CDIPT: variants seen among roughly 807,000 people sequenced by gnomAD.
The protein encoded by CDIPT is CDP-diacylglycerol--inositol 3-phosphatidyltransferase.
CDIPT carries 17 observed loss-of-function variants against 21.6 expected under a neutral mutation model. The ratio of observed to expected loss-of-function variants is 0.79; its 90% CI spans 0.54 to 1.18. CDIPT has a LOEUF of 1.18. CDIPT is among the 50% of genes most tolerant of loss of function. The probability of loss-of-function intolerance (pLI) is 0.00; values close to 1 mark genes in which losing one functional copy is unlikely to be tolerated. For missense variants in CDIPT, 254 were observed against 284.9 expected, an observed-to-expected ratio of 0.89 and a Z score of 0.78; for synonymous variants, 119 against 117.9, an observed-to-expected ratio of 1.01 and a Z score of -0.06.
In CDIPT at chr16:29,859,305, G is replaced by T. The variant is rs1185292791; in HGVS notation, c.526C>A (p.Leu176Ile). 6 of 1,569,546 alleles carry T rather than the reference G, an allele frequency of 3.8e-6. No homozygotes were observed. The East Asian group carries it at 1.4e-4, about 36-fold the overall frequency. ...VGSVGLFRMG[L>I]WVTAPIALLK... ...AAGGCGATGGGGGCAGTGACCCAGAGGCCCATCCGGAACAGTCCCACAGAG... is the reference window on the plus strand; with the variant it reads ...AAGGCGATGGGGGCAGTGACCCAGATGCCCATCCGGAACAGTCCCACAGAG... Residue 176 changes from leucine (L) to isoleucine (I), a missense_variant, in exon 6 of 6, where the codon CTC becomes ATC. Physicochemically the swap from Leu to Ile is conservative, Grantham distance 5. Transcript: ENST00000219789. This position sits in a 1 kb window ranked among gnomAD's most constrained non-coding sequence, Gnocchi z 4.5.
In CDIPT at chr16:29,859,467, C is replaced by T. The variant is rs755476596; in HGVS notation, c.471G>A (p.Leu157=). ...CTAAAGGTCCCTCAGAGAAATGGAACAGGTAGAGGAGGCAGTAGAAGAGCT... is the reference window on the plus strand; with the variant it reads ...CTAAAGGTCCCTCAGAGAAATGGAATAGGTAGAGGAGGCAGTAGAAGAGCT... ...GNELFYCLLY[L]FHFSEGPLVG... The change falls in exon 5 of 6, where the codon CTG becomes CTA. Residue 157 remains leucine (L), a synonymous_variant. Coordinates refer to ENST00000219789, the MANE Select transcript of CDIPT (RefSeq NM_006319.5). The surrounding 1 kb of genome is among the most constrained non-coding windows in gnomAD (Gnocchi z 4.5). The T allele has an allele frequency of 1.9e-6, 3 of 1,613,248 alleles. No homozygotes were observed. The South Asian group carries it at 3.3e-5, about 18-fold the overall frequency.
rs969988515 is a variant in CDIPT at position 29,858,954 on chromosome 16, C to T, written c.*235G>A. On this transcript the variant is annotated 3_prime_UTR_variant, in exon 6 of 6. Transcript: ENST00000219789. ...GTGACACTGCCCGGTCCCGGCACCC[C>T]AGGAGCACCGCCTGGATGGAGGGGG... 3 of 574,136 alleles carry T rather than the reference C, an allele frequency of 5.2e-6. No individual in the cohort carries two copies. In the Admixed American group the frequency reaches 9.5e-5, roughly 18 times the overall value. 35.6% of individuals were successfully genotyped at this position (574,136 alleles called of 1,614,324 possible). A position where few individuals can be genotyped will look rare whatever the true frequency, so the allele number is the denominator to read the frequency against.
chr16:29,860,632 CT>C lies in CDIPT; in HGVS notation c.362del (p.Lys121ArgfsTer2), dbSNP rs761611134. 6.2e-7 allele frequency: 1 copy of C among 1,613,020 alleles called. No individual in the cohort carries two copies. The highest frequency in any genetic ancestry group is 1.7e-5 in the Admixed American group (1 of 59,942). ...SSVVRGSESHKMIDLSGNPVL... is the reference protein window; with the variant it reads ...SSVVRGSESHXMIDLSGNPVL... Reference sequence around the variant, plus strand: ...CCGGATTCCCGGACAAGTCGATCATCTTGTGACTCTCACTGCCTCGGACCAC... The same window carrying C: ...CCGGATTCCCGGACAAGTCGATCATCTGTGACTCTCACTGCCTCGGACCAC... On this transcript the variant is annotated frameshift_variant, in exon 4 of 6. Coordinates refer to ENST00000219789, the MANE Select transcript of CDIPT (RefSeq NM_006319.5). LOFTEE classifies it high-confidence loss of function.
intron 4 of CDIPT, 56 bp downstream of exon 4, chr16:29,860,513 ACCAGGATTCAGC>A (rs1407987428): frequency 4.8e-6 from 5 of 1,038,068 alleles, no homozygotes; most frequent in Non-Finnish European, 6.0e-6. Context: ...CTAGGCTAGG[ACCAGGATTCAGC>A]CCAGGGCTTC....
In CDIPT at chr16:29,859,235, C is replaced by T. The variant is rs780491326; in HGVS notation, c.596G>A (p.Arg199His). The change falls in exon 6 of 6, where the codon CGC becomes CAC. Residue 199 changes from arginine (R) to histidine (H), a missense_variant. Physicochemically the swap from Arg to His is conservative, Grantham distance 29 (BLOSUM62 0). Coordinates refer to ENST00000219789, the MANE Select transcript of CDIPT (RefSeq NM_006319.5). This position sits in a 1 kb window ranked among gnomAD's most constrained non-coding sequence, Gnocchi z 4.5. ...TGCTGCGTCCAGGGCAGCCATGTTG[C>T]GGGCGGCCGTGATCAGGTGGATGAC... ...ISVIHLITAA[R>H]NMAALDAADR... The T allele has an allele frequency of 1.3e-4, 203 of 1,595,698 alleles. No individual in the cohort carries two copies. The highest frequency in any genetic ancestry group is 1.6e-4 in the Non-Finnish European group (190 of 1,172,068).
rs944661786 is a variant in CDIPT, at chr16:29,859,180, G to C, written c.*9C>G. Reference sequence around the variant, plus strand: ...GGCAGGTGGGCAGCCAGGACCCGGGGCTCCAGCGTCACTTCTTCTTGGCGC... The same window carrying C: ...GGCAGGTGGGCAGCCAGGACCCGGGCCTCCAGCGTCACTTCTTCTTGGCGC... On this transcript the variant is annotated 3_prime_UTR_variant, in exon 6 of 6. Transcript: ENST00000219789. This position sits in a 1 kb window ranked among gnomAD's most constrained non-coding sequence, Gnocchi z 4.5. 1 of 1,590,544 alleles carries C rather than the reference G, an allele frequency of 6.3e-7. No individual in the cohort carries two copies. The highest frequency in any genetic ancestry group is 1.3e-5 in the African/African-American group (1 of 74,734).
In CDIPT at chr16:29,862,468, G is replaced by C. The variant is rs543693875; in HGVS notation, c.178+118C>G. ...AAAACAAAAAGCCCCAGGCCATCCT[G>C]TTCTGCTTTTTCCAGAGATGGGAAT... On this transcript the variant is annotated intron_variant, in intron 2 of 5. Transcript: ENST00000219789. This position sits in a 1 kb window ranked among gnomAD's most constrained non-coding sequence, Gnocchi z 6.7. 16 of 1,086,058 alleles carry C rather than the reference G, an allele frequency of 1.5e-5. No homozygotes were observed. The highest frequency in any genetic ancestry group is 1.5e-5 in the South Asian group (1 of 66,772). The allele number at this position is 1,086,058 out of a possible 1,614,324, so 67.3% of individuals were successfully genotyped here.
chr16:29,861,593 A>T (rs954288732), intron 2 of CDIPT: 9 of 1,202,282 alleles, frequency 7.5e-6, no homozygotes, highest in South Asian at 5.9e-5. Flanking sequence ...AGAACAGATT[A>T]AAAAATTAGT....
chr16:29,862,651 G>A lies in CDIPT; in HGVS notation c.113C>T (p.Ser38Phe). The A allele has an allele frequency of 6.2e-7, 1 of 1,612,670 alleles. No individual in the cohort carries two copies. The highest frequency in any genetic ancestry group is 1.1e-5 in the South Asian group (1 of 91,002). Residue 38 changes from serine to phenylalanine, a missense_variant, in exon 2 of 6, where the codon TCC becomes TTC. Transcript: ENST00000219789. The surrounding 1 kb of genome is among the most constrained non-coding windows in gnomAD (Gnocchi z 6.7). ...CAGCAGGCCGCTGAGCAGGTAGAAG[G>A]AGGAGGCCGTGAGGGGGCAGCAGGG... is the stretch of plus-strand genomic sequence containing the variant. ...FMPCCPLTAS[S>F]FYLLSGLLDA... is the part of the protein sequence containing the mutation.
rs1292672645 is a variant in CDIPT, at chr16:29,862,758, G to C, written c.44-38C>G. The C allele has an allele frequency of 6.2e-7, 1 of 1,613,736 alleles. No homozygotes were observed. Among genetic ancestry groups the C allele is most frequent in the South Asian group, 1.1e-5 (1 of 91,050 alleles). The stretch of plus-strand genomic sequence containing the variant: ...CGCGGGGAGACAGGGCAGGATCAGG[G>C]AGCCCGCCAAGGCCCCTCGCCCTCT... On this transcript the variant is annotated intron_variant, in intron 1 of 5. Transcript: ENST00000219789. The surrounding 1 kb of genome is among the most constrained non-coding windows in gnomAD (Gnocchi z 6.7).
chr16:29,860,602 A>G lies in CDIPT; in HGVS notation c.393T>C (p.Leu131=). ...TTACCCTCGAGGTGTAGTAGATCCG[A>G]AGCACCGGATTCCCGGACAAGTCGA... The part of the protein sequence containing the change: ...KMIDLSGNPV[L]RIYYTSRPAL... The change falls in exon 4 of 6, where the codon CTT becomes CTC. Residue 131 remains leucine, a synonymous_variant. Coordinates refer to ENST00000219789, the MANE Select transcript of CDIPT (RefSeq NM_006319.5). The G allele has an allele frequency of 6.2e-7, 1 of 1,611,942 alleles. No individual in the cohort carries two copies. The highest frequency in any genetic ancestry group is 8.5e-7 in the Non-Finnish European group (1 of 1,178,178).
At position 29,862,849 on chromosome 16, in the gene CDIPT, G is replaced by A. The variant is rs932878188; in HGVS notation, c.9C>T (p.Asp3=). 3.1e-6 allele frequency: 5 copies of A among 1,613,774 alleles called. No homozygotes were observed. Among genetic ancestry groups the A allele is most frequent in the Non-Finnish European group, 4.2e-6 (5 of 1,179,970 alleles). Residue 3 remains aspartate, a synonymous_variant, in exon 1 of 6, where the codon GAC becomes GAT. Transcript: ENST00000219789. This position sits in a 1 kb window ranked among gnomAD's most constrained non-coding sequence, Gnocchi z 6.7. The part of the protein sequence containing the change: MP[D]ENIFLFVPNL... ...TGGGCACGAACAGGAAGATATTTTC[G>A]TCTGGCATCGCGGCGCCTCCCTTGC...
Position 29,860,590 on chromosome 16 carries a change from G to T in CDIPT, c.405C>A (p.Tyr135Ter). The T allele has an allele frequency of 6.2e-7, 1 of 1,606,314 alleles. No homozygotes were observed. Among genetic ancestry groups the T allele is most frequent in the Non-Finnish European group, 8.5e-7 (1 of 1,173,080 alleles). ...TGCAGGAAATGCTTACCCTCGAGGT[G>T]TAGTAGATCCGAAGCACCGGATTCC... is the stretch of plus-strand genomic sequence containing the variant. ...LSGNPVLRIY[Y>*]TSRPALFTLC... Residue 135 changes from tyrosine to a stop codon, truncating the protein, a stop_gained, in exon 4 of 6, where the codon TAC becomes TAA. Transcript: ENST00000219789. LOFTEE classifies it high-confidence loss of function.
In CDIPT at chr16:29,859,057, A is replaced by AC. The variant is rs930278899; in HGVS notation, c.*131dup. On this transcript the variant is annotated 3_prime_UTR_variant, in exon 6 of 6. Coordinates refer to ENST00000219789, the MANE Select transcript of CDIPT (RefSeq NM_006319.5). This position sits in a 1 kb window ranked among gnomAD's most constrained non-coding sequence, Gnocchi z 4.5. Reference sequence around the variant, plus strand: ...ACGTGACGTCACCAAAGAGAGGCTGACCCCCATCCCAGCAGGTAGAACAAC... The same window carrying AC: ...ACGTGACGTCACCAAAGAGAGGCTGACCCCCCATCCCAGCAGGTAGAACAAC... 92 of 989,816 alleles carry AC rather than the reference A, an allele frequency of 9.3e-5. No homozygotes were observed. The African/African-American group carries it at 1.3e-3, about 14-fold the overall frequency. The allele number at this position is 989,816 out of a possible 1,614,324, so 61.3% of individuals were successfully genotyped here.
chr16:29,860,062 GCCT>G (rs1396324128), intron 4 of CDIPT, among the ~76,000 whole-genome samples: 4 of 152,030 alleles, frequency 2.6e-5, no homozygotes, highest in Admixed American at 2.6e-4. Context: ...TTCCACCTTA[GCCT>G]CCTAAGTAGA....
In CDIPT at chr16:29,859,833, CCT is replaced by C. The variant is rs1435536777; in HGVS notation, c.415-312_415-311del. 6.6e-6 allele frequency among the ~76,000 whole-genome samples: 1 copy of C among 151,814 alleles called. No homozygotes were observed. The highest frequency in any genetic ancestry group is 1.9e-4 in the East Asian group (1 of 5,144). On this transcript the variant is annotated intron_variant, in intron 4 of 5. Coordinates refer to ENST00000219789, the MANE Select transcript of CDIPT (RefSeq NM_006319.5). The surrounding 1 kb of genome is among the most constrained non-coding windows in gnomAD (Gnocchi z 4.5). ...CCAGCCTGGCCAACGTGGCGAAACC[CCT>C]CTCTACTAACAATACAAAAATTAGC...
chr16:29,862,973 A>C lies in CDIPT; in HGVS notation c.-116T>G. On this transcript the variant is annotated 5_prime_UTR_variant, in exon 1 of 6. Transcript: ENST00000219789. This position sits in a 1 kb window ranked among gnomAD's most constrained non-coding sequence, Gnocchi z 6.7. ...ATCGGCCGCACCACCTGCGCCCTGGACCCCGCCGCCCCAACCTGGCCCCAG... is the reference window on the plus strand; with the variant it reads ...ATCGGCCGCACCACCTGCGCCCTGGCCCCCGCCGCCCCAACCTGGCCCCAG... 8.3e-7 allele frequency: 1 copy of C among 1,208,058 alleles called. No individual in the cohort carries two copies. 74.8% of individuals were successfully genotyped at this position (1,208,058 alleles called of 1,614,324 possible).
rs780405130 is a variant in CDIPT at position 29,859,343 on chromosome 16, A to G, written c.497-9T>C. The G allele has an allele frequency of 1.9e-6, 3 of 1,566,328 alleles. No homozygotes were observed. The highest frequency in any genetic ancestry group is 2.6e-6 in the Non-Finnish European group (3 of 1,155,084). On this transcript the variant is annotated splice_polypyrimidine_tract_variant and intron_variant, in intron 5 of 5. Transcript: ENST00000219789. This position sits in a 1 kb window ranked among gnomAD's most constrained non-coding sequence, Gnocchi z 4.5. ...CAGTCCCACAGAGCCAACTGCAGGA[A>G]GGCAGCAGGGGAGTTTGGGGCCCGA...
chr16:29,860,687 A>G (rs1299403101), intron 3 of CDIPT, 25 bp from the exon 4 acceptor site: 1 of 1,444,828 alleles, frequency 6.9e-7, no homozygotes, highest in South Asian at 1.2e-5. Flanking sequence ...AGGGGAACCC[A>G]CAAGGTTTCA....
Sources: gnomAD v4.1 joint callset for allele counts (sites outside exome capture counted in the v4.1 genomes callset) on GRCh38, gnomAD v4.1.1 for gene constraint, Gnocchi (gnomAD v3.1) non-coding constraint, MANE v1.5 for transcripts, NCBI Gene and HGNC (gene_info 2026-07-23, HGNC 2026-07-21) for gene names.